MPDZ: variants seen among roughly 807,000 people sequenced by gnomAD.
MPDZ encodes multiple PDZ domain crumbs cell polarity complex component, also known as multiple PDZ domain protein.
In MPDZ, 234 loss-of-function variants were observed where a neutral mutation model predicts 239.1. The ratio of observed to expected loss-of-function variants is 0.98; its 90% CI spans 0.88 to 1.09. MPDZ has a LOEUF of 1.09. Ranked by LOEUF, MPDZ falls within the 50% of genes least tolerant of loss-of-function variation. The pLI, the probability that MPDZ is intolerant of heterozygous loss-of-function variation, is 0.00. For missense variants in MPDZ, 3,175 were observed against 2,510.0 expected (o/e 1.26, Z -5.66); for synonymous variants, 1,048 against 881.3 (o/e 1.19, Z -3.35).
At position 13,211,064 on chromosome 9, in the gene MPDZ, C is replaced by G. The variant is rs186839172; in HGVS notation, c.1291-4965G>C. On this transcript the variant is annotated intron_variant, in intron 10 of 46. Coordinates refer to ENST00000319217, the MANE Select transcript of MPDZ (RefSeq NM_001378778.1). ...AGACTGAGTGATATACCCTCTATCT[C>G]TAGGTAAGCCATCAGTTCATAGCGG... Among the ~76,000 whole-genome samples the G allele has an allele frequency of 5.3e-5, 8 of 152,202 alleles. No individual in the cohort carries two copies. In the East Asian group the frequency reaches 1.5e-3, roughly 29 times the overall value.
At chr9:13,186,514 C>T (rs1789684708) in intron 17 of MPDZ, 128 bp from the exon 18 acceptor site, 4 of 624,316 alleles carry the variant, frequency 6.4e-6, no homozygotes, top group East Asian at 5.6e-5. Context: ...AGTTTTCAAA[C>T]GATATGACTT....
At chr9:13,146,494 T>G (rs1313682802) in intron 26 of MPDZ, among the ~76,000 whole-genome samples, 4 of 152,104 alleles carry the variant, frequency 2.6e-5, no homozygotes, top group Admixed American at 2.0e-4. Context: ...TTTTAAGTTT[T>G]AGACGATGCG....
At chr9:13,136,348 T>TTTTTTTTTTTTTA (rs1946781799) in intron 30 of MPDZ, among the ~76,000 whole-genome samples, 166 bp from the exon 31 acceptor site, 3 of 142,886 alleles carry the variant, frequency 2.1e-5, no homozygotes, top group African/African-American at 2.6e-5. Flanking sequence ...TTTTTTTTTT[T>TTTTTTTTTTTTTA]TGAGACAGAG....
chr9:13,245,533 A>G (rs1049222852), intron 3 of MPDZ, among the ~76,000 whole-genome samples: 11 of 152,124 alleles, frequency 7.2e-5, no homozygotes, highest in African/African-American at 2.7e-4. Context: ...TCTACAGGGT[A>G]TAAACTAGGT....
chr9:13,209,607 C>T (rs144206061), intron 10 of MPDZ, among the ~76,000 whole-genome samples: 6 of 152,280 alleles, frequency 3.9e-5, no homozygotes, highest in East Asian at 1.9e-4. Context: ...GCAGGTTGCA[C>T]ACTGAAGATC....
chr9:13,167,098 C>T (rs1563944376), intron 22 of MPDZ, among the ~76,000 whole-genome samples: 2 of 152,104 alleles, frequency 1.3e-5, no homozygotes, highest in African/African-American at 4.8e-5. Flanking sequence ...TTTTATACTA[C>T]ATCTAATCCA....
intron 3 of MPDZ, among the ~76,000 whole-genome samples, chr9:13,232,890 CT>C (rs1241044832): frequency 6.9e-6 from 1 of 144,526 alleles, no homozygotes; most frequent in African/African-American, 2.5e-5. Flanking sequence ...AAACCAGGAA[CT>C]TCCCAAAAGA....
intron 18 of MPDZ, among the ~76,000 whole-genome samples, chr9:13,185,450 T>C (rs1256187918): frequency 6.6e-6 from 1 of 152,096 alleles, no homozygotes; most frequent in Non-Finnish European, 1.5e-5. Context: ...CAAACAAGTA[T>C]TTAAAAAGCA....
chr9:13,231,191 G>T (rs970828573), intron 3 of MPDZ, among the ~76,000 whole-genome samples: 1 of 151,976 alleles, frequency 6.6e-6, no homozygotes, highest in African/African-American at 2.4e-5. Flanking sequence ...AGACTCTACA[G>T]GCATGCAATA....
chr9:13,230,395 C>CA (rs1962037599), intron 3 of MPDZ, among the ~76,000 whole-genome samples: 1 of 151,932 alleles, frequency 6.6e-6, no homozygotes, highest in Admixed American at 6.6e-5. Flanking sequence ...AAATTGGAAA[C>CA]AAAATACCCC....
chr9:13,127,662 A>G (rs1157292678), intron 32 of MPDZ, among the ~76,000 whole-genome samples: 2 of 152,200 alleles, frequency 1.3e-5, no homozygotes, highest in Non-Finnish European at 2.9e-5. Flanking sequence ...GGTAGGTTTC[A>G]ACATCATTTT....
intron 22 of MPDZ, among the ~76,000 whole-genome samples, chr9:13,167,575 A>G (rs1214036222): frequency 1.3e-5 from 2 of 152,114 alleles, no homozygotes; most frequent in Admixed American, 1.3e-4. Context: ...ACTAGTAATC[A>G]TTACATCGAT....
intron 3 of MPDZ, among the ~76,000 whole-genome samples, chr9:13,236,105 T>G (rs916856013): frequency 4.7e-5 from 7 of 150,470 alleles, no homozygotes; most frequent in Non-Finnish European, 8.9e-5. Flanking sequence ...TATTCATTCT[T>G]AAAACTACGT....
At chr9:13,198,737 C>CTCTCTGTGTGTGTGTGTGTGTGTG (rs755487892) in intron 12 of MPDZ, among the ~76,000 whole-genome samples, 2,721 of 68,630 alleles carry the variant, frequency 0.04, 174 homozygotes, top group Middle Eastern at 0.053. Flanking sequence ...ATCTCTCTCT[C>CTCTCTGTGTGTGTGTGTGTGTGTG]TGTGTGTGTG....
chr9:13,223,737 A>G, intron 4 of MPDZ, 27 bp from the exon 5 acceptor site: 1 of 1,556,334 alleles, frequency 6.4e-7, no homozygotes. Flanking sequence ...GCAAGAAATA[A>G]AACTAAAAGC....
intron 1 of MPDZ, among the ~76,000 whole-genome samples, chr9:13,265,612 T>C (rs1479440700): frequency 1.3e-5 from 2 of 152,156 alleles, no homozygotes; most frequent in East Asian, 3.9e-4. Context: ...CTCAAAAGCA[T>C]ACCCATGGGA....
intron 31 of MPDZ, chr9:13,135,756 C>T (rs151157674): frequency 4.1e-5 from 7 of 169,596 alleles, no homozygotes; most frequent in Admixed American, 6.2e-5. Flanking sequence ...CCATGCCCTC[C>T]GCTTGCAACA....
chr9:13,237,234 G>C (rs1481780177), intron 3 of MPDZ, among the ~76,000 whole-genome samples: 1 of 151,742 alleles, frequency 6.6e-6, no homozygotes, highest in South Asian at 2.1e-4. Flanking sequence ...CTTGAGTCCA[G>C]GAGTTCGAGA....
intron 15 of MPDZ, among the ~76,000 whole-genome samples, chr9:13,190,830 A>C (rs894258635): frequency 2.6e-5 from 4 of 152,142 alleles, no homozygotes; most frequent in Non-Finnish European, 4.4e-5. Context: ...CCCCAGCTTG[A>C]AGCAGCTTGA....
Sources: allele counts gnomAD v4.1 joint callset (sites outside exome capture counted in the v4.1 genomes callset), GRCh38; gene constraint gnomAD v4.1.1; transcripts MANE v1.5; gene names NCBI Gene and HGNC (gene_info 2026-07-23, HGNC 2026-07-21).